The following COL12A1 variants were observed in gnomAD, a reference collection of about 807,000 sequenced individuals.
COL12A1 encodes the protein collagen alpha-1(XII) chain.
In COL12A1, 114 loss-of-function variants were observed where a neutral mutation model predicts 349.7. That is an observed-to-expected ratio of 0.33 (90% CI 0.28 to 0.38). The LOEUF (loss-of-function observed/expected upper bound fraction) is 0.38. Among genes scored for constraint, COL12A1 ranks in the 10% least tolerant of loss-of-function variants. COL12A1 has a pLI of 1.00. For synonymous variants in COL12A1, 1,369 were observed against 1,329.0 expected, an observed-to-expected ratio of 1.03 and a Z score of -0.66; for missense variants, 3,284 against 3,756.9, an observed-to-expected ratio of 0.87 and a Z score of 3.29.
At position 75,183,299 on chromosome 6, in the gene COL12A1, T is replaced by A. The variant is rs766729894; in HGVS notation, c.1642A>T (p.Ile548Phe). ...GCATCTGATGATTTCCCATCCGTGA[T>A]AAGAATCATGACCTTTGGCACATTG... ...RSNVPKVMIL[I>F]TDGKSSDAFR... Residue 548 changes from isoleucine to phenylalanine, a missense_variant, in exon 10 of 66, where the codon ATC becomes TTC. Ile to Phe is a conservative substitution (Grantham distance 21). Transcript: ENST00000322507. 1 of 1,614,230 alleles carries A rather than the reference T, an allele frequency of 6.2e-7. No individual in the cohort carries two copies. Among genetic ancestry groups the A allele is most frequent in the Non-Finnish European group, 8.5e-7 (1 of 1,180,026 alleles).
chr6:75,184,246 C>T (rs1413496598), intron 8 of COL12A1, 102 bp from the exon 9 acceptor site: 1 of 1,243,474 alleles, frequency 8.0e-7, no homozygotes, highest in East Asian at 2.5e-5. Context: ...CAAATTCATC[C>T]TAAATACATT....
rs138581910 is a variant in COL12A1 at position 75,109,888 on chromosome 6, C to T, written c.7951-721G>A. Among the ~76,000 whole-genome samples the T allele has an allele frequency of 4.5e-3, 679 of 152,152 alleles. 3 individuals are homozygous for T. Among genetic ancestry groups the T allele is most frequent in the Non-Finnish European group, 6.5e-3 (442 of 67,938 alleles). On this transcript the variant is annotated intron_variant, in intron 51 of 65. Transcript: ENST00000322507. ...TTTATAGTTATGCTCAGAGTTTCTA[C>T]TTATCACAGCACAAATACTCAAGTA...
At chr6:75,134,901 T>A (rs147802696) in intron 31 of COL12A1, 46 bp from the exon 32 acceptor site, 2 of 1,572,556 alleles carry the variant, frequency 1.3e-6, no homozygotes, top group African/African-American at 1.3e-5. Context: ...GCTCTCTCCA[T>A]CTCACTAATC....
chr6:75,114,929 T>C (rs567623381), intron 49 of COL12A1, among the ~76,000 whole-genome samples: 1 of 152,206 alleles, frequency 6.6e-6, no homozygotes, highest in Non-Finnish European at 1.5e-5. Flanking sequence ...TACGCTGAGC[T>C]GACTGGAAGA....
chr6:75,118,854 C>A (rs568527662), intron 46 of COL12A1, among the ~76,000 whole-genome samples, 189 bp downstream of exon 46: 1 of 152,132 alleles, frequency 6.6e-6, no homozygotes, highest in Non-Finnish European at 1.5e-5. Flanking sequence ...ACAAAGAATA[C>A]CCCATGTCAT....
chr6:75,096,053 C>T (rs945504504), intron 59 of COL12A1, among the ~76,000 whole-genome samples: 12 of 152,160 alleles, frequency 7.9e-5, no homozygotes, highest in African/African-American at 2.9e-4. Context: ...ATCATGTCAG[C>T]ACCCTTAACC....
At chr6:75,138,772 A>G in intron 28 of COL12A1, 50 bp downstream of exon 28, 4 of 1,607,274 alleles carry the variant, frequency 2.5e-6, no homozygotes, top group African/African-American at 1.3e-5. Context: ...CTTCCCTACA[A>G]ATTAAATGGG....
intron 6 of COL12A1, 40 bp downstream of exon 6, chr6:75,189,512 T>G (rs1769813927): frequency 1.3e-6 from 2 of 1,589,512 alleles, no homozygotes; most frequent in African/African-American, 1.4e-5. Context: ...AAACAGACAT[T>G]TCATTTATTT....
chr6:75,104,086 T>G (rs558957007), intron 54 of COL12A1, among the ~76,000 whole-genome samples: 1 of 152,312 alleles, frequency 6.6e-6, no homozygotes, highest in African/African-American at 2.4e-5. Flanking sequence ...ATACTACTTG[T>G]GTACAATAAA....
chr6:75,191,754 G>T lies in COL12A1; in HGVS notation c.341C>A (p.Thr114Lys), dbSNP rs1473887805. 1 of 1,591,258 alleles carries T rather than the reference G, an allele frequency of 6.3e-7. No individual in the cohort carries two copies. Among genetic ancestry groups the T allele is most frequent in the Non-Finnish European group, 8.6e-7 (1 of 1,168,604 alleles). Reference sequence around the variant, plus strand: ...CTCCACTGGCTTTGTCGAACTACCTGTTTGAACTAAGTTAAAACTTTATTA... The same window carrying T: ...CTCCACTGGCTTTGTCGAACTACCTTTTTGAACTAAGTTAAAACTTTATTA... Reference protein sequence around the residue: ...VPVIGQLTIQTGSSTKPVEKK... With the variant: ...VPVIGQLTIQKGSSTKPVEKK... Residue 114 changes from threonine to lysine, a missense_variant, in exon 5 of 66, where the codon ACA becomes AAA. Thr to Lys is a moderately conservative substitution (Grantham distance 78). Around this residue, in one of 2 missense-constraint regions of COL12A1, gnomAD observed 2,601 missense variants for 2,824.8 expected, o/e 0.92. Coordinates refer to ENST00000322507, the MANE Select transcript of COL12A1 (RefSeq NM_004370.6).
rs1476825960 is a variant in COL12A1 at position 75,126,253 on chromosome 6, T to C, written c.6460+98A>G. 3.3e-5 allele frequency: 46 copies of C among 1,392,748 alleles called. No individual in the cohort carries two copies. In the East Asian group the frequency reaches 1.1e-3, roughly 34 times the overall value. The allele number at this position is 1,392,748 out of a possible 1,614,324, so 86.3% of individuals were successfully genotyped here. ...ACAGGAAACTTGGTGTGATCTGAAC[T>C]CTCAGGAGAACCCAACAGTGGGGGA... On this transcript the variant is annotated intron_variant, in intron 39 of 65. Transcript: ENST00000322507.
intron 14 of COL12A1, 29 bp from the exon 15 acceptor site, chr6:75,156,552 A>G (rs759752751): frequency 6.2e-7 from 1 of 1,602,720 alleles, no homozygotes. Context: ...ATTAAACTGT[A>G]TACCATGTTG....
rs1325101923 is a variant in COL12A1 at position 75,091,627 on chromosome 6, G to A, written c.8650-102C>T. 5.2e-6 allele frequency: 6 copies of A among 1,149,372 alleles called. No homozygotes were observed. The Admixed American group carries it at 8.2e-5, about 16-fold the overall frequency. The allele number at this position is 1,149,372 out of a possible 1,614,324, so 71.2% of individuals were successfully genotyped here. A position where few individuals can be genotyped will look rare whatever the true frequency, so the allele number is the denominator to read the frequency against. On this transcript the variant is annotated intron_variant, in intron 60 of 65. Transcript: ENST00000322507. Reference sequence around the variant, plus strand: ...ACGAGAACAAGTTCTGTTTTCTAAAGCATTAGCAAAATGACACATCACATT... The same window carrying A: ...ACGAGAACAAGTTCTGTTTTCTAAAACATTAGCAAAATGACACATCACATT...
Position 75,115,760 on chromosome 6 carries a change from AAAACCTC to A in COL12A1, c.7697+17_7697+23del. Reference sequence around the variant, plus strand: ...ACTTTTTGCAGGTCTTAAGAAAAGGAAAACCTCCTGTTGTCACACTTACGCTGTAGGC... The same window carrying A: ...ACTTTTTGCAGGTCTTAAGAAAAGGACTGTTGTCACACTTACGCTGTAGGC... On this transcript the variant is annotated intron_variant, in intron 49 of 65. Coordinates refer to ENST00000322507, the MANE Select transcript of COL12A1 (RefSeq NM_004370.6). 1 of 1,570,932 alleles carries A rather than the reference AAAACCTC, an allele frequency of 6.4e-7. No individual in the cohort carries two copies. The highest frequency in any genetic ancestry group is 8.6e-7 in the Non-Finnish European group (1 of 1,161,884).
At position 75,156,259 on chromosome 6, in the gene COL12A1, G is replaced by T; in HGVS notation, c.3248C>A (p.Thr1083Lys). The T allele has an allele frequency of 6.2e-7, 1 of 1,613,566 alleles. No individual in the cohort carries two copies. The highest frequency in any genetic ancestry group is 1.1e-5 in the South Asian group (1 of 91,028). Residue 1083 changes from threonine to lysine, a missense_variant and splice_region_variant, in exon 15 of 66, where the codon ACA (threonine) becomes AAA (lysine). Physicochemically the swap from Thr to Lys is moderately conservative, Grantham distance 78 (BLOSUM62 -1). Around this residue, in one of 2 missense-constraint regions of COL12A1, gnomAD observed 2,601 missense variants for 2,824.8 expected, o/e 0.92. Transcript: ENST00000322507. Reference protein sequence around the residue: ...EGKLRQGSGTTASRFKSPRNL... With the variant: ...EGKLRQGSGTKASRFKSPRNL... ...AAAATATAATTATTATTTCATACCT[G>T]TTGTTCCTGATCCTTGCCTAAGCTT...
intron 10 of COL12A1, 90 bp from the exon 11 acceptor site, chr6:75,181,301 C>G (rs1769276866): frequency 7.7e-7 from 1 of 1,302,818 alleles, no homozygotes; most frequent in South Asian, 1.5e-5. Context: ...AAATGGCTTA[C>G]ATTAATTTGG....
chr6:75,099,269 C>T (rs1183018363), intron 58 of COL12A1, among the ~76,000 whole-genome samples: 6 of 152,124 alleles, frequency 3.9e-5, no homozygotes, highest in Admixed American at 1.3e-4. Flanking sequence ...GATTGTTTTC[C>T]GGAAGATCTA....
At chr6:75,154,086 C>T (rs549991294) in intron 17 of COL12A1, among the ~76,000 whole-genome samples, 26 of 150,870 alleles carry the variant, frequency 1.7e-4, no homozygotes, top group African/African-American at 3.9e-4. Flanking sequence ...TTAAATTATG[C>T]GTTATTACAT....
Position 75,137,521 on chromosome 6 carries a change from A to T in COL12A1, c.5310T>A (p.Thr1770=). 1 of 1,613,952 alleles carries T rather than the reference A, an allele frequency of 6.2e-7. No homozygotes were observed. Among genetic ancestry groups the T allele is most frequent in the Non-Finnish European group, 8.5e-7 (1 of 1,179,886 alleles). The part of the protein sequence containing the change: ...QVYNATSNSL[T]VKWDPASGRV... ...GACCACTAGCAGGATCCCACTTAAC[A>T]GTCAGGCTGTTAGATGTTGCATTGT... Residue 1770 remains threonine, a synonymous_variant, in exon 31 of 66, where the codon ACT becomes ACA. Coordinates refer to ENST00000322507, the MANE Select transcript of COL12A1 (RefSeq NM_004370.6).
Sources: gnomAD v4.1 joint callset for allele counts (sites outside exome capture counted in the v4.1 genomes callset) on GRCh38, gnomAD v4.1.1 for gene constraint, gnomAD v4.1.1 regional missense constraint, MANE v1.5 for transcripts, NCBI Gene and HGNC (gene_info 2026-07-23, HGNC 2026-07-21) for gene names.